Variants in NRXN3 observed in about 807,000 individuals in gnomAD.
The protein encoded by NRXN3 is neurexin 3.
A neutral mutation model predicts 137.6 loss-of-function variants in NRXN3; 32 were observed. The ratio of observed to expected loss-of-function variants is 0.23; its 90% CI spans 0.18 to 0.31. The LOEUF (loss-of-function observed/expected upper bound fraction) is 0.31. Ranked by LOEUF, NRXN3 falls within the 10% of genes least tolerant of loss-of-function variation. The pLI is 1.00. For synonymous variants in NRXN3, 798 were observed against 784.5 expected (o/e 1.02, Z -0.29); for missense variants, 1,574 against 2,062.5 (o/e 0.76, Z 4.59).
chr14:79,276,514 T>C (rs1483393643), intron 15 of NRXN3, among the ~76,000 whole-genome samples: 2 of 152,124 alleles, frequency 1.3e-5, no homozygotes, highest in African/African-American at 4.8e-5. Flanking sequence ...AAAAAGTAAA[T>C]AAATAAATTA....
intron 15 of NRXN3, among the ~76,000 whole-genome samples, chr14:79,323,550 T>C (rs1284648716): frequency 1.3e-5 from 2 of 152,192 alleles, no homozygotes; most frequent in Non-Finnish European, 2.9e-5. Context: ...TTTAGAAGGT[T>C]ACATTGTTTT....
At chr14:78,837,225 CTCTT>C (rs1596357104) in intron 10 of NRXN3, among the ~76,000 whole-genome samples, 1 of 152,210 alleles carries the variant, frequency 6.6e-6, no homozygotes, top group East Asian at 1.9e-4. Context: ...AAGTCTCTCT[CTCTT>C]TCAGTCCAGA....
intron 16 of NRXN3, among the ~76,000 whole-genome samples, chr14:79,531,621 G>A (rs183259561): frequency 2.8e-4 from 42 of 152,266 alleles, no homozygotes; most frequent in Middle Eastern, 3.4e-3. Context: ...ATATGAATCA[G>A]TATTAAGAAA....
At chr14:78,586,791 T>C (rs2152385994) in intron 4 of NRXN3, among the ~76,000 whole-genome samples, 1 of 152,358 alleles carries the variant, frequency 6.6e-6, no homozygotes, top group South Asian at 2.1e-4. Flanking sequence ...TGACAAACAG[T>C]CTTTATGGAA....
At chr14:78,781,071 T>A (rs2098767581) in intron 8 of NRXN3, among the ~76,000 whole-genome samples, 1 of 152,140 alleles carries the variant, frequency 6.6e-6, no homozygotes, top group Non-Finnish European at 1.5e-5. Flanking sequence ...TATAATATAA[T>A]AACATCCAAT....
At chr14:78,666,993 A>T (rs753758129) in intron 6 of NRXN3, among the ~76,000 whole-genome samples, 4 of 152,036 alleles carry the variant, frequency 2.6e-5, no homozygotes, top group Non-Finnish European at 5.9e-5. Context: ...TTTCTTCTAT[A>T]ACTTGTTTAT....
intron 16 of NRXN3, among the ~76,000 whole-genome samples, chr14:79,565,842 T>C (rs760154925): frequency 3.9e-5 from 6 of 152,096 alleles, no homozygotes; most frequent in African/African-American, 1.2e-4. Context: ...ATTAGAGTCT[T>C]ATAAAAATAT....
chr14:79,226,567 G>T (rs186680815), intron 15 of NRXN3, among the ~76,000 whole-genome samples: 2 of 152,062 alleles, frequency 1.3e-5, no homozygotes, highest in Admixed American at 6.6e-5. Context: ...CTTATCCCCA[G>T]AATTGTTTCA....
chr14:79,565,217 ATG>A (rs1489839837), intron 16 of NRXN3, among the ~76,000 whole-genome samples: 1 of 147,076 alleles, frequency 6.8e-6, no homozygotes, highest in Non-Finnish European at 1.5e-5. Context: ...GTGTATATAT[ATG>A]TGTGTGTATA....
At chr14:78,256,248 A>G (rs1394354861) in intron 2 of NRXN3, among the ~76,000 whole-genome samples, 3 of 152,148 alleles carry the variant, frequency 2.0e-5, no homozygotes, top group African/African-American at 7.2e-5. Flanking sequence ...GGGAAGATGG[A>G]GCTCACTAGA....
chr14:79,777,019 C>T (rs1013797095), intron 19 of NRXN3, among the ~76,000 whole-genome samples: 2 of 152,176 alleles, frequency 1.3e-5, no homozygotes, highest in African/African-American at 4.8e-5. Flanking sequence ...TCCCACACCT[C>T]CACCTGCAAG....
At chr14:78,800,260 T>A (rs1451858981) in intron 8 of NRXN3, among the ~76,000 whole-genome samples, 2 of 152,164 alleles carry the variant, frequency 1.3e-5, no homozygotes, top group African/African-American at 4.8e-5. Context: ...GTTCTGCCAT[T>A]TATTAGCCAT....
intron 4 of NRXN3, among the ~76,000 whole-genome samples, chr14:78,300,182 T>G (rs1264489845): frequency 1.3e-5 from 2 of 152,262 alleles, no homozygotes; most frequent in Non-Finnish European, 2.9e-5. Context: ...TATGTATGTA[T>G]GTTGTGTGTA....
At chr14:78,327,531 G>A (rs1186248067) in intron 4 of NRXN3, among the ~76,000 whole-genome samples, 6 of 152,168 alleles carry the variant, frequency 3.9e-5, no homozygotes, top group African/African-American at 1.4e-4. Flanking sequence ...CTCCAGGCTT[G>A]AACTCAACGC....
intron 15 of NRXN3, among the ~76,000 whole-genome samples, chr14:79,333,132 C>A (rs1408547900): frequency 6.6e-6 from 1 of 152,030 alleles, no homozygotes; most frequent in Non-Finnish European, 1.5e-5. Flanking sequence ...TTTAAGCACA[C>A]AGCAGCTACC....
intron 15 of NRXN3, among the ~76,000 whole-genome samples, chr14:79,222,025 G>A (rs1260248411): frequency 1.3e-5 from 2 of 152,086 alleles, no homozygotes; most frequent in African/African-American, 4.8e-5. Context: ...TTTCCCCATT[G>A]CTTGTTTTTG....
chr14:78,210,171 C>G (rs1385072278), intron 1 of NRXN3, among the ~76,000 whole-genome samples: 1 of 151,336 alleles, frequency 6.6e-6, no homozygotes, highest in East Asian at 1.9e-4. Flanking sequence ...ATTTTTTACT[C>G]ATGGTTCTGG....
At chr14:79,406,003 C>G (rs189077839) in intron 15 of NRXN3, among the ~76,000 whole-genome samples, 1 of 152,222 alleles carries the variant, frequency 6.6e-6, no homozygotes, top group East Asian at 1.9e-4. Context: ...GGAACATGTC[C>G]ATGAACATTA....
At chr14:78,468,043 C>G (rs1171014225) in intron 4 of NRXN3, among the ~76,000 whole-genome samples, 1 of 152,166 alleles carries the variant, frequency 6.6e-6, no homozygotes, top group African/African-American at 2.4e-5. Flanking sequence ...CCTGCCTCAG[C>G]CTCCTGAGTA....
Sources: gnomAD v4.1 joint callset for allele counts (sites outside exome capture counted in the v4.1 genomes callset) on GRCh38, gnomAD v4.1.1 for gene constraint, MANE v1.5 for transcripts, NCBI Gene and HGNC (gene_info 2026-07-23, HGNC 2026-07-21) for gene names.